The following NBPF15 variants were observed in gnomAD, a reference collection of about 807,000 sequenced individuals.
NBPF15 encodes the protein NBPF member 15.
NBPF15 carries 74 observed loss-of-function variants against 62.2 expected under a neutral mutation model. The observed-to-expected ratio is 1.19, with a 90% confidence interval of 0.99 to 1.44. The LOEUF (loss-of-function observed/expected upper bound fraction) is 1.44. Ranked by LOEUF, NBPF15 falls within the 40% of genes most tolerant of loss-of-function variation. NBPF15 has a pLI of 0.00. For missense variants in NBPF15, 790 were observed against 550.0 expected (o/e 1.44, Z -4.36); for synonymous variants, 244 against 209.7 (o/e 1.16, Z -1.41).
rs1480737977 is a variant in NBPF15 at position 144,421,560 on chromosome 1, A to T, written c.*1453T>A. 2.0e-5 allele frequency: 3 copies of T among 151,514 alleles called. No individual in the cohort carries two copies. Among genetic ancestry groups the T allele is most frequent in the African/African-American group, 7.3e-5 (3 of 41,218 alleles). 9.4% of individuals were successfully genotyped at this position (151,514 alleles called of 1,614,324 possible). On this transcript the variant is annotated 3_prime_UTR_variant, in exon 22 of 22. Coordinates refer to ENST00000581897, the MANE Select transcript of NBPF15 (RefSeq NM_001385408.1). ...TTTGGACAAAAATTAAAACTCAGGC[A>T]GAGAATGTTTTCTTCTTTTTGCAAC...
intron 10 of NBPF15, among the ~76,000 whole-genome samples, 190 bp downstream of exon 10, chr1:144,436,705 C>T (rs1553541305): frequency 1.3e-4 from 20 of 152,006 alleles, no homozygotes; most frequent in Non-Finnish European, 2.9e-5. Flanking sequence ...GGGACACTTG[C>T]AATACTGTGA....
At chr1:144,438,423 G>T (rs1209496031) in intron 8 of NBPF15, among the ~76,000 whole-genome samples, 3 of 151,860 alleles carry the variant, frequency 2.0e-5, no homozygotes, top group Non-Finnish European at 2.9e-5. Flanking sequence ...TCGTACAGTC[G>T]GGAAGGCCCC....
At chr1:144,436,738 A>G (rs1329869761) in intron 10 of NBPF15, among the ~76,000 whole-genome samples, 157 bp downstream of exon 10, 1 of 152,012 alleles carries the variant, frequency 6.6e-6, no homozygotes, top group African/African-American at 2.4e-5. Flanking sequence ...TGGGTTTCCC[A>G]TCTCCGTTCT....
rs1176734519 is a variant in NBPF15, at chr1:144,423,822, C to T, written c.1769+48G>A. On this transcript the variant is annotated intron_variant, in intron 21 of 21. Transcript: ENST00000581897. ...ACTCTGGTTTCCCTGAATCTGTTGC[C>T]TCCAGGTGTTAACACAGAATTAAGC... 5.1e-5 allele frequency: 39 copies of T among 760,716 alleles called. 1 individual carries two copies. In the African/African-American group the frequency reaches 5.6e-4, roughly 11 times the overall value. The allele number at this position is 760,716 out of a possible 1,614,324, so 47.1% of individuals were successfully genotyped here.
At position 144,423,201 on chromosome 1, in the gene NBPF15, C is replaced by G. The variant is rs782127133; in HGVS notation, c.1825G>C (p.Asp609His). Residue 609 changes from aspartate (D) to histidine (H), a missense_variant, in exon 22 of 22, where the codon GAT becomes CAT. Asp to His is a moderately conservative substitution (Grantham distance 81, BLOSUM62 -1). Coordinates refer to ENST00000581897, the MANE Select transcript of NBPF15 (RefSeq NM_001385408.1). ...ATTGACGGAGTCGAATAACATCTAT[C>G]CAGTGAGTCCTGTAAGACTTCAGGC... ...EEPEVLQDSL[D>H]RCYSTPSMYF... 5 of 1,611,484 alleles carry G rather than the reference C, an allele frequency of 3.1e-6. No homozygotes were observed. The East Asian group carries it at 8.9e-5, about 29-fold the overall frequency.
At chr1:144,445,317 A>G (rs1315439907) in intron 6 of NBPF15, among the ~76,000 whole-genome samples, 3 of 111,048 alleles carry the variant, frequency 2.7e-5, no homozygotes, top group Non-Finnish European at 5.5e-5. Flanking sequence ...GGAGATGATA[A>G]TCTTCAAAAC....
At chr1:144,452,561 A>C (rs1300778768) in intron 4 of NBPF15, among the ~76,000 whole-genome samples, 1 of 151,398 alleles carries the variant, frequency 6.6e-6, no homozygotes, top group African/African-American at 2.4e-5. Flanking sequence ...AAGTGACAAA[A>C]TATGCTGAAG....
intron 6 of NBPF15, among the ~76,000 whole-genome samples, chr1:144,442,057 G>A (rs1427392567): frequency 7.1e-6 from 1 of 141,308 alleles, no homozygotes; most frequent in Non-Finnish European, 1.5e-5. Context: ...TATACCTAAT[G>A]TAAGTGACGA....
chr1:144,424,510 G>C (rs1443913654), intron 20 of NBPF15, among the ~76,000 whole-genome samples, 180 bp downstream of exon 20: 1 of 151,994 alleles, frequency 6.6e-6, no homozygotes, highest in African/African-American at 2.4e-5. Flanking sequence ...CTTGCTCACT[G>C]ACCCATCCCT....
At chr1:144,423,473 C>A (rs1311726940) in intron 21 of NBPF15, among the ~76,000 whole-genome samples, 4 of 151,716 alleles carry the variant, frequency 2.6e-5, no homozygotes, top group African/African-American at 9.7e-5. Context: ...GAGACAGAGA[C>A]AGAGACAGAG....
intron 15 of NBPF15, among the ~76,000 whole-genome samples, 182 bp from the exon 16 acceptor site, chr1:144,428,172 G>A (rs1459843307): frequency 1.4e-5 from 2 of 138,826 alleles, no homozygotes; most frequent in African/African-American, 3.3e-5. Flanking sequence ...AAGGATGAAA[G>A]AGAAAGACAC....
At chr1:144,448,311 G>A (rs1303471189) in intron 6 of NBPF15, among the ~76,000 whole-genome samples, 4 of 152,036 alleles carry the variant, frequency 2.6e-5, no homozygotes, top group South Asian at 2.1e-4. Flanking sequence ...ATCCTAAGGC[G>A]TCCAGTTGAA....
intron 13 of NBPF15, among the ~76,000 whole-genome samples, chr1:144,432,719 T>TAATGGTAAAGAAG (rs1675334220): frequency 6.6e-6 from 1 of 152,036 alleles, no homozygotes; most frequent in African/African-American, 2.4e-5. Context: ...AGAAGGCCAC[T>TAATGGTAAAGAAG]ACATAATGGT....
In NBPF15 at chr1:144,427,088, C is replaced by G. The variant is rs1310572715; in HGVS notation, c.1224G>C (p.Lys408Asn). The G allele has an allele frequency of 3.5e-6, 2 of 579,216 alleles. No individual in the cohort carries two copies. The highest frequency in any genetic ancestry group is 2.0e-5 in the South Asian group (1 of 49,868). 35.9% of individuals were successfully genotyped at this position (579,216 alleles called of 1,614,324 possible). ...CTTGGTCTTCTTCCACTTCTTGGTA[C>G]TTTTCAATTTCTGCAATAAGTTCAG... ...GLAIDMDEIE[K>N]YQEVEEDQDP... Residue 408 changes from lysine (K) to asparagine (N), a missense_variant, in exon 17 of 22, where the codon AAG becomes AAC. Physicochemically the swap from Lys to Asn is moderately conservative, Grantham distance 94 (BLOSUM62 0). Coordinates refer to ENST00000581897, the MANE Select transcript of NBPF15 (RefSeq NM_001385408.1).
At chr1:144,434,813 C>G (rs587700240) in intron 12 of NBPF15, among the ~76,000 whole-genome samples, 2 of 151,930 alleles carry the variant, frequency 1.3e-5, no homozygotes, top group African/African-American at 4.8e-5. Context: ...GACTTAATCA[C>G]AGATGACAAG....
chr1:144,423,123 A>T lies in NBPF15; in HGVS notation c.1903T>A (p.Phe635Ile). 2 of 1,611,642 alleles carry T rather than the reference A, an allele frequency of 1.2e-6. No individual in the cohort carries two copies. The highest frequency in any genetic ancestry group is 1.1e-5 in the South Asian group (1 of 90,974). The change falls in exon 22 of 22, where the codon TTT becomes ATT. Residue 635 changes from phenylalanine to isoleucine, a missense_variant. Phe to Ile is a conservative substitution (Grantham distance 21). Transcript: ENST00000581897. The stretch of plus-strand genomic sequence containing the variant: ...GCGAAGCTGATATGCTCTTCCTCAA[A>T]TGAGTAAAACACACTTCTGTAGTGC... ...FQHYRSVFYS[F>I]EEEHISFALY...
intron 6 of NBPF15, 34 bp from the exon 7 acceptor site, chr1:144,440,329 G>T (rs1553542385): frequency 3.2e-6 from 4 of 1,240,644 alleles, no homozygotes; most frequent in South Asian, 3.1e-5. Context: ...GAAGGTGGGG[G>T]TGTCATGGAA....
At chr1:144,433,277 G>GAA (rs1675846143) in intron 13 of NBPF15, among the ~76,000 whole-genome samples, 1 of 152,036 alleles carries the variant, frequency 6.6e-6, no homozygotes, top group African/African-American at 2.4e-5. Flanking sequence ...CAACATACCA[G>GAA]AATCTCTGAG....
chr1:144,434,731 A>T (rs1455850117), intron 12 of NBPF15, among the ~76,000 whole-genome samples: 1 of 151,880 alleles, frequency 6.6e-6, no homozygotes, highest in Non-Finnish European at 1.5e-5. Flanking sequence ...CGATATTTCC[A>T]AATACAAAGG....
Sources: allele counts gnomAD v4.1 joint callset (sites outside exome capture counted in the v4.1 genomes callset), GRCh38; gene constraint gnomAD v4.1.1; transcripts MANE v1.5; gene names NCBI Gene and HGNC (gene_info 2026-07-23, HGNC 2026-07-21).